NAV2: variants seen among roughly 807,000 people sequenced by gnomAD.
NAV2 encodes the protein helicase, APC down-regulated 1.
A neutral mutation model predicts 223.2 loss-of-function variants in NAV2; 54 were observed. The ratio of observed to expected loss-of-function variants is 0.24; its 90% CI spans 0.19 to 0.30. NAV2 has a LOEUF of 0.30. NAV2 is among the 10% of genes least tolerant of loss of function. The probability of loss-of-function intolerance (pLI) is 1.00; values close to 1 mark genes in which losing one functional copy is unlikely to be tolerated. For missense variants in NAV2, 2,806 were observed against 3,147.5 expected, an observed-to-expected ratio of 0.89 and a Z score of 2.60; for synonymous variants, 1,279 against 1,239.3, an observed-to-expected ratio of 1.03 and a Z score of -0.67.
chr11:19,934,232 A>G lies in NAV2; in HGVS notation c.1988A>G (p.Gln663Arg), dbSNP rs1397666434. ...VSVQLPQPQQ[Q>R]YNHPNTATVA... ...GTTCAGCTACCTCAGCCCCAGCAGC[A>G]ATACAACCATCCCAACACTGCCACG... is the stretch of plus-strand genomic sequence containing the variant. Residue 663 changes from glutamine to arginine, a missense_variant, in exon 7 of 38, where the codon CAA becomes CGA. Coordinates refer to ENST00000349880, the MANE Select transcript of NAV2 (RefSeq NM_145117.5). 2 of 1,611,378 alleles carry G rather than the reference A, an allele frequency of 1.2e-6. No individual in the cohort carries two copies. Among genetic ancestry groups the G allele is most frequent in the East Asian group, 2.2e-5 (1 of 44,846 alleles).
chr11:20,077,521 A>G, intron 22 of NAV2, 31 bp from the exon 23 acceptor site: 1 of 1,538,406 alleles, frequency 6.5e-7, no homozygotes, highest in Non-Finnish European at 9.0e-7. Flanking sequence ...CTTGCAAGGT[A>G]ATATAACTGA....
chr11:20,064,879 G>A (rs2058940189), intron 20 of NAV2, among the ~76,000 whole-genome samples: 1 of 152,144 alleles, frequency 6.6e-6, no homozygotes, highest in Admixed American at 6.5e-5. Flanking sequence ...TATTCAGAGT[G>A]TCTCCCCAGT....
At chr11:19,885,782 T>C (rs944076227) in intron 5 of NAV2, among the ~76,000 whole-genome samples, 15 of 152,260 alleles carry the variant, frequency 9.9e-5, no homozygotes, top group African/African-American at 3.6e-4. Context: ...CATATTCTTA[T>C]TGAGTATGGA....
At chr11:19,778,691 A>G (rs1014505756) in intron 1 of NAV2, among the ~76,000 whole-genome samples, 2 of 152,042 alleles carry the variant, frequency 1.3e-5, no homozygotes, top group Admixed American at 1.3e-4. Context: ...CCTAACTTTA[A>G]GCTACTATTT....
intron 22 of NAV2, among the ~76,000 whole-genome samples, chr11:20,074,807 A>C (rs1329634482): frequency 5.5e-5 from 6 of 108,974 alleles, no homozygotes; most frequent in African/African-American, 2.3e-4. Flanking sequence ...ATATTCCTTC[A>C]TCCCTTTATT....
At chr11:19,866,772 C>A (rs774126210) in intron 3 of NAV2, among the ~76,000 whole-genome samples, 1 of 152,100 alleles carries the variant, frequency 6.6e-6, no homozygotes, top group Non-Finnish European at 1.5e-5. Context: ...TAACCTACCT[C>A]GTCAGCCCAC....
chr11:19,619,859 G>T (rs2046930343), intron 1 of NAV2, among the ~76,000 whole-genome samples: 1 of 152,190 alleles, frequency 6.6e-6, no homozygotes, highest in Non-Finnish European at 1.5e-5. Flanking sequence ...GAATGGTATT[G>T]CCTAGGTTTT....
intron 1 of NAV2, among the ~76,000 whole-genome samples, chr11:19,422,265 A>G (rs1230325333): frequency 1.3e-5 from 2 of 152,134 alleles, no homozygotes; most frequent in Non-Finnish European, 2.9e-5. Context: ...ACGCCTTGGT[A>G]CGTGGTGGTT....
intron 1 of NAV2, among the ~76,000 whole-genome samples, chr11:19,726,687 C>G (rs927170746): frequency 6.6e-6 from 1 of 152,210 alleles, no homozygotes; most frequent in Non-Finnish European, 1.5e-5. Context: ...GATCTAAACA[C>G]TTGCTAACAA....
chr11:19,714,900 C>T (rs1351137758), intron 1 of NAV2, among the ~76,000 whole-genome samples: 1 of 152,182 alleles, frequency 6.6e-6, no homozygotes, highest in East Asian at 1.9e-4. Flanking sequence ...GGCAGTCAGT[C>T]AGCAGGGACT....
chr11:19,476,223 T>C (rs2042110610), intron 1 of NAV2, among the ~76,000 whole-genome samples: 1 of 152,192 alleles, frequency 6.6e-6, no homozygotes, highest in Admixed American at 6.5e-5. Flanking sequence ...TCCACCTGCC[T>C]CGGCCTCCCA....
chr11:19,757,979 T>C (rs762137954), intron 1 of NAV2, among the ~76,000 whole-genome samples: 3 of 152,168 alleles, frequency 2.0e-5, no homozygotes, highest in Non-Finnish European at 2.9e-5. Context: ...ATTGCCCAGT[T>C]ATTGGAACCT....
At chr11:19,935,707 G>T (rs1429952772) in intron 7 of NAV2, among the ~76,000 whole-genome samples, 1 of 151,772 alleles carries the variant, frequency 6.6e-6, no homozygotes, top group African/African-American at 2.4e-5. Flanking sequence ...CTTCAGTGAG[G>T]GTCATACCAA....
At chr11:19,924,158 A>G (rs188454240) in intron 6 of NAV2, among the ~76,000 whole-genome samples, 15 of 152,322 alleles carry the variant, frequency 9.8e-5, no homozygotes, top group African/African-American at 3.6e-4. Context: ...GCCCAGCTGC[A>G]TATGAATATT....
chr11:19,379,544 A>G (rs1369832002), intron 1 of NAV2, among the ~76,000 whole-genome samples: 6 of 152,062 alleles, frequency 3.9e-5, no homozygotes, highest in Non-Finnish European at 7.4e-5. Flanking sequence ...GTTGTGGAGG[A>G]AAGGGCAGAG....
intron 6 of NAV2, among the ~76,000 whole-genome samples, chr11:19,899,434 G>A (rs1231800318): frequency 6.6e-6 from 1 of 152,190 alleles, no homozygotes; most frequent in African/African-American, 2.4e-5. Flanking sequence ...TTACAGGTTA[G>A]ACTAGATGAA....
At chr11:19,633,999 A>G (rs1278718798) in intron 1 of NAV2, among the ~76,000 whole-genome samples, 1 of 152,224 alleles carries the variant, frequency 6.6e-6, no homozygotes, top group Non-Finnish European at 1.5e-5. Flanking sequence ...CACACAGGAA[A>G]TACTTCATAA....
At chr11:19,694,425 C>T (rs961002638) in intron 1 of NAV2, among the ~76,000 whole-genome samples, 2 of 152,202 alleles carry the variant, frequency 1.3e-5, no homozygotes, top group Non-Finnish European at 2.9e-5. Flanking sequence ...AAGCAAAGCA[C>T]AGGGAAGCCA....
chr11:19,864,766 C>T (rs933971792), intron 3 of NAV2, among the ~76,000 whole-genome samples: 1 of 152,186 alleles, frequency 6.6e-6, no homozygotes, highest in African/African-American at 2.4e-5. Flanking sequence ...TCAGGCACTG[C>T]ACAAGGTGGA....
Sources: allele counts gnomAD v4.1 joint callset (sites outside exome capture counted in the v4.1 genomes callset), GRCh38; gene constraint gnomAD v4.1.1; transcripts MANE v1.5; gene names NCBI Gene and HGNC (gene_info 2026-07-23, HGNC 2026-07-21).